The following ANTXR2 variants were observed in gnomAD, a reference collection of about 807,000 sequenced individuals.
The protein encoded by ANTXR2 is ANTXR cell adhesion molecule 2.
Under a neutral mutation model 73.7 loss-of-function variants are expected in ANTXR2, and 44 were observed. That is an observed-to-expected ratio of 0.60 (90% CI 0.47 to 0.77). The LOEUF (loss-of-function observed/expected upper bound fraction) is 0.77. ANTXR2 is among the 30% of genes least tolerant of loss of function. The pLI, the probability that ANTXR2 is intolerant of heterozygous loss-of-function variation, is 0.00. For missense variants in ANTXR2, 604 were observed against 592.5 expected, an observed-to-expected ratio of 1.02 and a Z score of -0.20; for synonymous variants, 217 against 205.9, an observed-to-expected ratio of 1.05 and a Z score of -0.46.
chr4:80,030,211 A>C (rs7689762), intron 10 of ANTXR2, among the ~76,000 whole-genome samples: 15,000 of 152,002 alleles, frequency 0.099, 1,848 homozygotes, highest in East Asian at 0.66. Flanking sequence ...AGAGAGAGAA[A>C]GAAATCAATA....
At chr4:80,001,200 T>C (rs1054940871) in intron 12 of ANTXR2, among the ~76,000 whole-genome samples, 1 of 151,954 alleles carries the variant, frequency 6.6e-6, no homozygotes, top group Admixed American at 6.6e-5. Flanking sequence ...AGTTTTAGGG[T>C]ACATGTGCAC....
At position 80,015,572 on chromosome 4, in the gene ANTXR2, C is replaced by T. The variant is rs994918049; in HGVS notation, c.945+3326G>A. Among the ~76,000 whole-genome samples, 3 of 151,786 alleles carry T rather than the reference C, an allele frequency of 2.0e-5. No individual in the cohort carries two copies. The East Asian group carries it at 5.8e-4, about 29-fold the overall frequency. Reference sequence around the variant, plus strand: ...CACCATCACATGTGTGTCCAAAGCTCTTTAAAACCATATTATTATTTATTG... The same window carrying T: ...CACCATCACATGTGTGTCCAAAGCTTTTTAAAACCATATTATTATTTATTG... On this transcript the variant is annotated intron_variant, in intron 11 of 16. Coordinates refer to ENST00000403729, the MANE Select transcript of ANTXR2 (RefSeq NM_058172.6).
chr4:79,945,990 GAATTAT>G (rs1728500987), intron 16 of ANTXR2, among the ~76,000 whole-genome samples: 1 of 151,934 alleles, frequency 6.6e-6, no homozygotes, highest in Admixed American at 6.6e-5. Context: ...ACAAATTTTT[GAATTAT>G]AATTGTAAGC....
At chr4:79,933,208 TG>T (rs1193307929) in intron 16 of ANTXR2, among the ~76,000 whole-genome samples, 1 of 152,164 alleles carries the variant, frequency 6.6e-6, no homozygotes, top group Non-Finnish European at 1.5e-5. Flanking sequence ...AAACCAATAA[TG>T]GCATAATTTA....
At chr4:80,028,923 A>G (rs1317964612) in intron 10 of ANTXR2, among the ~76,000 whole-genome samples, 1 of 152,166 alleles carries the variant, frequency 6.6e-6, no homozygotes, top group Non-Finnish European at 1.5e-5. Flanking sequence ...TACCCAGTAC[A>G]TTAACAAATA....
At chr4:79,952,447 C>T (rs1460976764) in intron 16 of ANTXR2, among the ~76,000 whole-genome samples, 2 of 151,630 alleles carry the variant, frequency 1.3e-5, no homozygotes. Flanking sequence ...CTGTTGATAA[C>T]TTGTAGCTCA....
intron 16 of ANTXR2, among the ~76,000 whole-genome samples, chr4:79,951,533 G>A (rs934750219): frequency 1.3e-4 from 20 of 151,706 alleles, no homozygotes; most frequent in African/African-American, 4.6e-4. Flanking sequence ...CCAAGATAGC[G>A]CCACTGCATT....
intron 10 of ANTXR2, among the ~76,000 whole-genome samples, chr4:80,026,145 T>A (rs1732425682): frequency 6.6e-6 from 1 of 152,100 alleles, no homozygotes; most frequent in African/African-American, 2.4e-5. Flanking sequence ...TGAATTGTAA[T>A]CCCCCCGTGT....
intron 11 of ANTXR2, among the ~76,000 whole-genome samples, chr4:80,011,471 G>T (rs1731584205): frequency 6.6e-6 from 1 of 151,920 alleles, no homozygotes; most frequent in Non-Finnish European, 1.5e-5. Flanking sequence ...GTAAGACCCT[G>T]GCAAGCCAAG....
intron 11 of ANTXR2, 34 bp downstream of exon 11, chr4:80,018,864 T>C: frequency 7.0e-7 from 1 of 1,436,894 alleles, no homozygotes; most frequent in Non-Finnish European, 9.4e-7. Flanking sequence ...GGAATTGCTT[T>C]TAAAAGATAA....
At chr4:80,029,489 A>T (rs1171332467) in intron 10 of ANTXR2, among the ~76,000 whole-genome samples, 3 of 152,066 alleles carry the variant, frequency 2.0e-5, no homozygotes, top group Admixed American at 1.3e-4. Context: ...AGAAAAATTC[A>T]TTCATCCTTT....
chr4:80,001,567 G>A (rs1035440576), intron 12 of ANTXR2, among the ~76,000 whole-genome samples: 4 of 151,272 alleles, frequency 2.6e-5, no homozygotes, highest in South Asian at 4.2e-4. Context: ...TATTAGGTCC[G>A]CTTGGTGCAG....
At chr4:80,021,269 C>T (rs1250239765) in intron 10 of ANTXR2, among the ~76,000 whole-genome samples, 8 of 151,034 alleles carry the variant, frequency 5.3e-5, no homozygotes, top group Non-Finnish European at 7.4e-5. Flanking sequence ...GGCCAAGTGG[C>T]GTATTAAGAA....
intron 3 of ANTXR2, among the ~76,000 whole-genome samples, chr4:80,058,660 T>A (rs2110111845): frequency 7.1e-6 from 1 of 140,110 alleles, no homozygotes; most frequent in Non-Finnish European, 1.5e-5. Flanking sequence ...ACAGAAATCA[T>A]TCATCCCCAC....
chr4:80,070,130 C>T (rs1269979834), intron 2 of ANTXR2, among the ~76,000 whole-genome samples: 4 of 152,218 alleles, frequency 2.6e-5, no homozygotes, highest in Non-Finnish European at 4.4e-5. Context: ...ACGGTTCTTG[C>T]TTCTCGGACA....
At chr4:80,001,516 G>T (rs1404988755) in intron 12 of ANTXR2, among the ~76,000 whole-genome samples, 1 of 151,842 alleles carries the variant, frequency 6.6e-6, no homozygotes, top group Non-Finnish European at 1.5e-5. Flanking sequence ...TGAAAAAAAT[G>T]TATATTCTGT....
intron 16 of ANTXR2, among the ~76,000 whole-genome samples, chr4:79,947,921 G>C (rs1409597250): frequency 6.6e-6 from 1 of 152,054 alleles, no homozygotes; most frequent in Non-Finnish European, 1.5e-5. Flanking sequence ...CAGAAGGTAT[G>C]TATTTGAGAA....
At chr4:80,039,623 G>A (rs1388641961) in intron 7 of ANTXR2, among the ~76,000 whole-genome samples, 1 of 152,064 alleles carries the variant, frequency 6.6e-6, no homozygotes, top group African/African-American at 2.4e-5. Flanking sequence ...TTATTAAAAA[G>A]TCGAAAACCA....
intron 16 of ANTXR2, among the ~76,000 whole-genome samples, chr4:79,945,495 G>A (rs1001426915): frequency 6.6e-6 from 1 of 151,892 alleles, no homozygotes; most frequent in African/African-American, 2.4e-5. Context: ...AGGTATTAAC[G>A]TATCTAAATC....
Sources: gnomAD v4.1 joint callset for allele counts (sites outside exome capture counted in the v4.1 genomes callset) on GRCh38, gnomAD v4.1.1 for gene constraint, MANE v1.5 for transcripts, NCBI Gene and HGNC (gene_info 2026-07-23, HGNC 2026-07-21) for gene names.